The following KDM4B variants were observed in gnomAD, a reference collection of about 807,000 sequenced individuals.
KDM4B encodes the protein lysine demethylase 4B, also known as lysine-specific demethylase 4B.
Under a neutral mutation model 125.2 loss-of-function variants are expected in KDM4B, and 32 were observed. The ratio of observed to expected loss-of-function variants is 0.26; its 90% CI spans 0.19 to 0.34. The LOEUF is 0.34. Among genes scored for constraint, KDM4B ranks in the 10% least tolerant of loss-of-function variants. KDM4B has a pLI of 1.00. For missense variants in KDM4B, 1,190 were observed against 1,577.7 expected (o/e 0.75, Z 4.16); for synonymous variants, 721 against 677.9 (o/e 1.06, Z -0.99).
chr19:5,129,230 TGGGCTGG>T (rs1256804773), intron 11 of KDM4B, among the ~76,000 whole-genome samples: 2 of 151,728 alleles, frequency 1.3e-5, no homozygotes, highest in Non-Finnish European at 2.9e-5. Context: ...GGGGAGGCTG[TGGGCTGG>T]GGGCCCCTTG....
chr19:5,086,029 C>T (rs2038481990), intron 9 of KDM4B, among the ~76,000 whole-genome samples: 1 of 152,144 alleles, frequency 6.6e-6, no homozygotes, highest in Admixed American at 6.5e-5. Flanking sequence ...TCTGGTGTCC[C>T]TCTGGCCGGC....
chr19:5,127,554 G>A (rs1051248743), intron 11 of KDM4B, among the ~76,000 whole-genome samples: 1 of 152,186 alleles, frequency 6.6e-6, no homozygotes, highest in Non-Finnish European at 1.5e-5. Flanking sequence ...ATTCACTGCT[G>A]TCTCCAGACA....
At chr19:5,069,903 G>C (rs1169135556) in intron 6 of KDM4B, among the ~76,000 whole-genome samples, 1 of 152,170 alleles carries the variant, frequency 6.6e-6, no homozygotes, top group Non-Finnish European at 1.5e-5. Flanking sequence ...CACCGCGCCT[G>C]GCTTCTTTAT....
chr19:5,150,827 G>T (rs887568762), intron 22 of KDM4B, among the ~76,000 whole-genome samples: 5 of 152,226 alleles, frequency 3.3e-5, no homozygotes, highest in Non-Finnish European at 7.3e-5. Flanking sequence ...GGGTACAGGC[G>T]AAGTACGGGC....
chr19:5,124,294 G>A (rs1207263854), intron 11 of KDM4B, among the ~76,000 whole-genome samples: 1 of 151,144 alleles, frequency 6.6e-6, no homozygotes. Context: ...TCCCCAGGCC[G>A]GCGCGGTGGG....
intron 9 of KDM4B, among the ~76,000 whole-genome samples, chr19:5,092,330 C>G (rs2038725730): frequency 6.6e-6 from 1 of 152,190 alleles, no homozygotes; most frequent in Non-Finnish European, 1.5e-5. Flanking sequence ...CTGTTTCAAC[C>G]ACAACATCGG....
At chr19:5,057,234 G>T (rs1027204203) in intron 6 of KDM4B, among the ~76,000 whole-genome samples, 2 of 152,124 alleles carry the variant, frequency 1.3e-5, no homozygotes, top group Non-Finnish European at 2.9e-5. Flanking sequence ...CCTTTGCCAG[G>T]CCGCGTGTGC....
chr19:5,043,024 C>T (rs1042255979), intron 5 of KDM4B, among the ~76,000 whole-genome samples: 16 of 149,358 alleles, frequency 1.1e-4, no homozygotes, highest in African/African-American at 3.4e-4. Flanking sequence ...TCACTTGTGG[C>T]GTCGTTATCG....
intron 11 of KDM4B, among the ~76,000 whole-genome samples, chr19:5,120,676 G>A (rs2039344291): frequency 6.6e-6 from 1 of 152,348 alleles, no homozygotes; most frequent in South Asian, 2.1e-4. Flanking sequence ...TGTTTCTGGT[G>A]ACTGGGTTTT....
intron 1 of KDM4B, among the ~76,000 whole-genome samples, chr19:5,012,060 G>A (rs2035745594): frequency 6.6e-6 from 1 of 152,170 alleles, no homozygotes; most frequent in African/African-American, 2.4e-5. Flanking sequence ...GATGCCTTGG[G>A]CTGTCACTGC....
At chr19:4,998,328 C>T (rs2035265505) in intron 1 of KDM4B, among the ~76,000 whole-genome samples, 1 of 152,202 alleles carries the variant, frequency 6.6e-6, no homozygotes, top group South Asian at 2.1e-4. Flanking sequence ...AAACACTTCC[C>T]TTTTTTGTTG....
intron 1 of KDM4B, among the ~76,000 whole-genome samples, chr19:4,987,662 A>G (rs1384797465): frequency 2.0e-5 from 3 of 152,152 alleles, no homozygotes; most frequent in South Asian, 2.1e-4. Flanking sequence ...CGGGATGGCA[A>G]TGCTTCTGCT....
intron 9 of KDM4B, among the ~76,000 whole-genome samples, chr19:5,087,801 C>A (rs1434192169): frequency 6.6e-6 from 1 of 152,200 alleles, no homozygotes; most frequent in Non-Finnish European, 1.5e-5. Context: ...TATCTCAGAG[C>A]CATGAAACTC....
chr19:5,132,015 G>A lies in KDM4B; in HGVS notation c.1906+8G>A, dbSNP rs758530386. 16 of 1,601,546 alleles carry A rather than the reference G, an allele frequency of 1.0e-5. No homozygotes were observed. In the East Asian group the frequency reaches 2.7e-4, roughly 27 times the overall value. On this transcript the variant is annotated splice_region_variant and intron_variant, in intron 13 of 22. Transcript: ENST00000159111. The stretch of plus-strand genomic sequence containing the variant: ...AGGCCTCAAGTGACGAGGGTGAGTG[G>A]GGGGTCCCCAGGTCGGCTCTCATCA...
chr19:5,098,636 C>T (rs1172083262), intron 9 of KDM4B, among the ~76,000 whole-genome samples: 1 of 152,104 alleles, frequency 6.6e-6, no homozygotes, highest in African/African-American at 2.4e-5. Flanking sequence ...TGCTCATACC[C>T]CTCCCTAGGG....
In KDM4B at chr19:5,119,791, C is replaced by CGAGGAG; in HGVS notation, c.1267_1272dup (p.Glu423_Glu424dup). 3 of 1,542,404 alleles carry CGAGGAG rather than the reference C, an allele frequency of 1.9e-6. No individual in the cohort carries two copies. Among genetic ancestry groups the CGAGGAG allele is most frequent in the Middle Eastern group, 1.8e-4 (1 of 5,608 alleles). On this transcript the variant is annotated inframe_insertion, in exon 11 of 23. Transcript: ENST00000159111. ...AGGAGGCTGGGCCGGAGGTTGACCC[C>CGAGGAG]GAGGAGGAGGAGGAGGAGCCGCAGC...
chr19:5,150,278 C>G, intron 21 of KDM4B, 80 bp from the exon 22 acceptor site: 1 of 1,244,250 alleles, frequency 8.0e-7, no homozygotes, highest in Non-Finnish European at 1.1e-6. Context: ...GCTGGCCTCC[C>G]AGCTCTTGAG....
intron 6 of KDM4B, among the ~76,000 whole-genome samples, chr19:5,062,802 A>G (rs1228353135): frequency 9.3e-6 from 1 of 107,684 alleles, no homozygotes; most frequent in Non-Finnish European, 1.8e-5. Flanking sequence ...TTTTTTAGAG[A>G]TAGAGTTTCC....
At position 5,131,197 on chromosome 19, in the gene KDM4B, G is replaced by A. The variant is rs531550169; in HGVS notation, c.1437G>A (p.Leu479=). ...PPAHFPSEEA[L]WLPSPLEPPV... is the part of the protein sequence containing the mutation. ...CTCACTTCCCCTCAGAGGAGGCGCTGTGGCTGCCATCCCCACTGGAGCCCC... is the reference window on the plus strand; with the variant it reads ...CTCACTTCCCCTCAGAGGAGGCGCTATGGCTGCCATCCCCACTGGAGCCCC... The change falls in exon 12 of 23, where the codon CTG becomes CTA. Residue 479 remains leucine, a synonymous_variant. Transcript: ENST00000159111. 21 of 1,604,650 alleles carry A rather than the reference G, an allele frequency of 1.3e-5. No homozygotes were observed. In the African/African-American group the frequency reaches 1.5e-4, roughly 11 times the overall value.
Sources: allele counts gnomAD v4.1 joint callset (sites outside exome capture counted in the v4.1 genomes callset), GRCh38; gene constraint gnomAD v4.1.1; transcripts MANE v1.5; gene names NCBI Gene and HGNC (gene_info 2026-07-23, HGNC 2026-07-21).